The following SOX5 variants were observed in gnomAD, a reference collection of about 807,000 sequenced individuals.
The protein encoded by SOX5 is SRY-box transcription factor 5.
SOX5 carries 9 observed loss-of-function variants against 92.0 expected under a neutral mutation model. That is an observed-to-expected ratio of 0.10 (90% CI 0.06 to 0.17). The LOEUF (loss-of-function observed/expected upper bound fraction) is 0.17, where lower values mean the gene tolerates loss of function less well. Among genes scored for constraint, SOX5 ranks in the 10% least tolerant of loss-of-function variants. The probability of loss-of-function intolerance (pLI) is 1.00; values close to 1 mark genes in which losing one functional copy is unlikely to be tolerated. For missense variants in SOX5, 642 were observed against 944.5 expected (o/e 0.68, Z 4.20); for synonymous variants, 344 against 336.3 (o/e 1.02, Z -0.25).
chr12:24,523,604 A>G (rs1363163271), intron 1 of SOX5, among the ~76,000 whole-genome samples: 2 of 152,228 alleles, frequency 1.3e-5, no homozygotes, highest in African/African-American at 4.8e-5. Flanking sequence ...CAGTGATCTG[A>G]TCTGCAACAA....
chr12:23,587,816 G>A (rs1950959827), intron 9 of SOX5, among the ~76,000 whole-genome samples: 2 of 152,056 alleles, frequency 1.3e-5, no homozygotes, highest in East Asian at 1.9e-4. Flanking sequence ...ACTTGGAGAG[G>A]AACTAATATT....
intron 13 of SOX5, 102 bp downstream of exon 13, chr12:23,543,109 C>A: frequency 1.1e-6 from 1 of 898,734 alleles, no homozygotes; most frequent in Non-Finnish European, 1.7e-6. Context: ...AAGCAAATAA[C>A]ACGACCTGTA....
At chr12:23,702,059 C>T (rs1014573443) in intron 6 of SOX5, among the ~76,000 whole-genome samples, 1 of 151,990 alleles carries the variant, frequency 6.6e-6, no homozygotes, top group African/African-American at 2.4e-5. Flanking sequence ...AGCTGAAAGT[C>T]TAACTCAAGT....
intron 8 of SOX5, among the ~76,000 whole-genome samples, chr12:23,630,514 T>A (rs1162935150): frequency 6.6e-6 from 1 of 152,034 alleles, no homozygotes; most frequent in African/African-American, 2.4e-5. Flanking sequence ...TGCCATGCCC[T>A]AATTTTCAAG....
At chr12:24,432,860 C>A (rs1003167317) in intron 1 of SOX5, among the ~76,000 whole-genome samples, 9 of 152,128 alleles carry the variant, frequency 5.9e-5, no homozygotes, top group African/African-American at 2.2e-4. Flanking sequence ...AATACACACA[C>A]ACACACACAG....
chr12:24,497,435 C>G (rs1947754178), intron 1 of SOX5, among the ~76,000 whole-genome samples: 1 of 152,190 alleles, frequency 6.6e-6, no homozygotes, highest in Non-Finnish European at 1.5e-5. Context: ...AGCCTTCTGA[C>G]AGCGAGGTGT....
At chr12:24,451,989 A>G (rs1231604247) in intron 1 of SOX5, among the ~76,000 whole-genome samples, 1 of 152,218 alleles carries the variant, frequency 6.6e-6, no homozygotes, top group Non-Finnish European at 1.5e-5. Context: ...GAGACTTAAG[A>G]GTTTGCACAC....
In SOX5 at chr12:23,779,955, CTGTG is replaced by C. The variant is rs10686652; in HGVS notation, c.482-24235_482-24232del. Among the ~76,000 whole-genome samples the C allele has an allele frequency of 3.7e-3, 504 of 136,550 alleles. 4 individuals carry two copies. Among genetic ancestry groups the C allele is most frequent in the African/African-American group, 0.012 (463 of 37,440 alleles). 89.6% of individuals were successfully genotyped at this position (136,550 alleles called of 152,430 possible). A position where few individuals can be genotyped will look rare whatever the true frequency, so the allele number is the denominator to read the frequency against. ...TGTGTGTGCATGAGACACAGCGAGA[CTGTG>C]TGTGTGTGTGTGTGTGTGTGTGTGT... On this transcript the variant is annotated intron_variant, in intron 3 of 14. Coordinates refer to ENST00000451604, the MANE Select transcript of SOX5 (RefSeq NM_006940.6).
intron 6 of SOX5, among the ~76,000 whole-genome samples, chr12:23,707,911 T>C (rs2091601886): frequency 6.6e-6 from 1 of 152,146 alleles, no homozygotes; most frequent in Non-Finnish European, 1.5e-5. Context: ...ATATTAACCT[T>C]TTCTAGGTCG....
chr12:24,160,799 A>G (rs1172740059), intron 4 of SOX5, among the ~76,000 whole-genome samples: 2 of 152,010 alleles, frequency 1.3e-5, no homozygotes, highest in Non-Finnish European at 2.9e-5. Context: ...AAAATTCTAG[A>G]CAGTAAAGAT....
At chr12:23,986,139 G>T (rs895315243) in intron 4 of SOX5, among the ~76,000 whole-genome samples, 3 of 152,056 alleles carry the variant, frequency 2.0e-5, no homozygotes, top group African/African-American at 7.2e-5. Context: ...TAAGGTTGCA[G>T]GGATTACAAT....
chr12:23,866,913 GAAA>G (rs1364130101), intron 2 of SOX5, among the ~76,000 whole-genome samples: 1 of 151,986 alleles, frequency 6.6e-6, no homozygotes, highest in Non-Finnish European at 1.5e-5. Context: ...TAGCTTTCAG[GAAA>G]AACTTGGAAC....
At chr12:23,555,207 A>ACAT (rs548694514) in intron 11 of SOX5, among the ~76,000 whole-genome samples, 26 of 152,168 alleles carry the variant, frequency 1.7e-4, no homozygotes, top group Non-Finnish European at 3.4e-4. Context: ...AAAAAAATCA[A>ACAT]CATCATTCTA....
Position 23,770,839 on chromosome 12 carries a change from C to G in SOX5, c.482-15115G>C, listed in dbSNP as rs545838108. On this transcript the variant is annotated intron_variant, in intron 3 of 14. Transcript: ENST00000451604. ...TTCTCAAATTTTACTAGACTACAAACAGTAAGTGGTCAGTTTGTTGGCCTC... is the reference window on the plus strand; with the variant it reads ...TTCTCAAATTTTACTAGACTACAAAGAGTAAGTGGTCAGTTTGTTGGCCTC... Among the ~76,000 whole-genome samples the G allele has an allele frequency of 2.0e-5, 3 of 152,238 alleles. No individual in the cohort carries two copies. In the South Asian group the frequency reaches 6.2e-4, roughly 32 times the overall value.
chr12:23,785,780 T>C (rs1948350029), intron 3 of SOX5, among the ~76,000 whole-genome samples: 1 of 152,140 alleles, frequency 6.6e-6, no homozygotes, highest in South Asian at 2.1e-4. Context: ...TGGGGATGCT[T>C]CTTGATGTCG....
chr12:23,598,156 T>C (rs1313069624), intron 9 of SOX5, among the ~76,000 whole-genome samples: 1 of 152,136 alleles, frequency 6.6e-6, no homozygotes, highest in African/African-American at 2.4e-5. Context: ...GCTCTCAGAG[T>C]AAGTCAAATA....
intron 3 of SOX5, among the ~76,000 whole-genome samples, chr12:23,804,634 T>A (rs530207012): frequency 6.6e-6 from 1 of 152,090 alleles, no homozygotes; most frequent in South Asian, 2.1e-4. Flanking sequence ...AATTATTTAT[T>A]ATCTCTGATG....
intron 4 of SOX5, among the ~76,000 whole-genome samples, chr12:23,976,945 A>G (rs1948992059): frequency 6.6e-6 from 1 of 152,176 alleles, no homozygotes; most frequent in Admixed American, 6.5e-5. Context: ...AGGAGGAAAG[A>G]AAGTAAAAGA....
chr12:24,228,053 T>C (rs1962482135), intron 3 of SOX5, among the ~76,000 whole-genome samples: 2 of 152,168 alleles, frequency 1.3e-5, no homozygotes, highest in African/African-American at 4.8e-5. Context: ...TGCAGATGTC[T>C]CCACTGACAA....
Sources: allele counts gnomAD v4.1 joint callset (sites outside exome capture counted in the v4.1 genomes callset), GRCh38; gene constraint gnomAD v4.1.1; transcripts MANE v1.5; gene names NCBI Gene and HGNC (gene_info 2026-07-23, HGNC 2026-07-21).